Variants in ARHGEF33 observed in about 807,000 individuals in gnomAD.
The protein encoded by ARHGEF33 is Rho guanine nucleotide exchange factor 33.
A neutral mutation model predicts 101.9 loss-of-function variants in ARHGEF33; 72 were observed. That is an observed-to-expected ratio of 0.71 (90% CI 0.58 to 0.86). ARHGEF33 has a LOEUF of 0.86. Ranked by LOEUF, ARHGEF33 falls within the 40% of genes least tolerant of loss-of-function variation. The pLI, the probability that ARHGEF33 is intolerant of heterozygous loss-of-function variation, is 0.00. For missense variants in ARHGEF33, 1,169 were observed against 1,111.3 expected (o/e 1.05, Z -0.74); for synonymous variants, 499 against 442.5 (o/e 1.13, Z -1.60).
intron 2 of ARHGEF33, among the ~76,000 whole-genome samples, chr2:38,904,315 A>G (rs575308593): frequency 6.6e-6 from 1 of 152,306 alleles, no homozygotes; most frequent in African/African-American, 2.4e-5. Flanking sequence ...GAGAAGGCTG[A>G]GGCAGCTGGC....
At position 38,975,351 on chromosome 2, in the gene ARHGEF33, T is replaced by G. The variant is rs1668253587; in HGVS notation, c.*1508T>G. Reference sequence around the variant, plus strand: ...TTGAAATTAGATTTTTCTCTTATTATGTGGCCGGCAGTGCTTGCAAGCACA... The same window carrying G: ...TTGAAATTAGATTTTTCTCTTATTAGGTGGCCGGCAGTGCTTGCAAGCACA... On this transcript the variant is annotated 3_prime_UTR_variant, in exon 18 of 18. Transcript: ENST00000409978. 6.6e-6 allele frequency: 1 copy of G among 152,236 alleles called. No homozygotes were observed. Among genetic ancestry groups the G allele is most frequent in the African/African-American group, 2.4e-5 (1 of 41,464 alleles). The allele number at this position is 152,236 out of a possible 1,614,324, so 9.4% of individuals were successfully genotyped here. A position where few individuals can be genotyped will look rare whatever the true frequency, so the allele number is the denominator to read the frequency against.
At position 38,937,380 on chromosome 2, in the gene ARHGEF33, G is replaced by A; in HGVS notation, c.611G>A (p.Cys204Tyr). ...GAAGCAGAAGAAAACCTCAAGTCTT[G>A]CCTCTCGGCTGATATCCAGTCCAAG... ...TPEAEENLKS[C>Y]LSADIQSKGH... is the part of the protein sequence containing the mutation. Residue 204 changes from cysteine to tyrosine, a missense_variant, in exon 9 of 18, where the codon TGC (cysteine) becomes TAC (tyrosine). Cys to Tyr is a radical substitution (Grantham distance 194). Coordinates refer to ENST00000409978, the MANE Select transcript of ARHGEF33 (RefSeq NM_001145451.5). The A allele has an allele frequency of 6.5e-7, 1 of 1,528,304 alleles. No homozygotes were observed. The highest frequency in any genetic ancestry group is 8.8e-7 in the Non-Finnish European group (1 of 1,140,690). The allele number at this position is 1,528,304 out of a possible 1,614,324, so 94.7% of individuals were successfully genotyped here.
intron 2 of ARHGEF33, among the ~76,000 whole-genome samples, chr2:38,898,522 A>G (rs540420721): frequency 2.6e-5 from 4 of 152,306 alleles, no homozygotes; most frequent in Non-Finnish European, 4.4e-5. Flanking sequence ...AAAGAGAAAG[A>G]GGGTACAGTG....
rs184754310 is a variant in ARHGEF33, at chr2:38,951,595, T to C, written c.1053+474T>C. On this transcript the variant is annotated intron_variant, in intron 11 of 17. Transcript: ENST00000409978. ...TAGCTTGAGCGACACAGCAAGACCC[T>C]GTCTTTATTAAATTAAAAAAAAAGT... is the stretch of plus-strand genomic sequence containing the variant. 5.9e-5 allele frequency among the ~76,000 whole-genome samples: 9 copies of C among 151,890 alleles called. 1 individual carries two copies. Among genetic ancestry groups the C allele is most frequent in the Admixed American group, 3.3e-4 (5 of 15,254 alleles).
Position 38,960,531 on chromosome 2 carries a change from C to G in ARHGEF33, c.2226C>G (p.Arg742=). 1.6e-6 allele frequency: 2 copies of G among 1,256,650 alleles called. No homozygotes were observed. Among genetic ancestry groups the G allele is most frequent in the Non-Finnish European group, 2.0e-6 (2 of 999,468 alleles). 77.8% of individuals were successfully genotyped at this position (1,256,650 alleles called of 1,614,324 possible). ...GCCGCGCGCCCATCAAGGCCGAGCG[C>G]GCCGCGCAGGCGCACGGCCCGGCCG... is the stretch of plus-strand genomic sequence containing the variant. The part of the protein sequence containing the change: ...SGGRAPIKAE[R]AAQAHGPAAA... The change falls in exon 16 of 18, where the codon CGC becomes CGG. Residue 742 remains arginine, a synonymous_variant. Transcript: ENST00000409978.
chr2:38,941,879 A>C (rs1221534359), intron 9 of ARHGEF33, among the ~76,000 whole-genome samples: 2 of 151,478 alleles, frequency 1.3e-5, no homozygotes, highest in Non-Finnish European at 2.9e-5. Context: ...AACTTTTAGG[A>C]TCTTGTTTTT....
intron 1 of ARHGEF33, among the ~76,000 whole-genome samples, chr2:38,892,589 CA>C (rs1183278697): frequency 6.6e-6 from 1 of 152,166 alleles, no homozygotes; most frequent in Non-Finnish European, 1.5e-5. Context: ...CCCCAATTGA[CA>C]AAAACAAAAG....
Position 38,890,006 on chromosome 2 carries a change from T to A in ARHGEF33, c.-159+20T>A, listed in dbSNP as rs1402768660. On this transcript the variant is annotated intron_variant, in intron 1 of 17. Transcript: ENST00000409978. ...CATGGGGTAAGTATGCGCTTTTATA[T>A]GCTTTAAGGGGCACTGAAAGGGGAA... The A allele has an allele frequency of 1.1e-5, 5 of 457,948 alleles. No individual in the cohort carries two copies. In the Middle Eastern group the frequency reaches 9.8e-4, roughly 90 times the overall value. The allele number at this position is 457,948 out of a possible 1,614,324, so 28.4% of individuals were successfully genotyped here.
At chr2:38,955,913 G>A (rs962559511) in intron 13 of ARHGEF33, among the ~76,000 whole-genome samples, 1 of 151,934 alleles carries the variant, frequency 6.6e-6, no homozygotes, top group African/African-American at 2.4e-5. Context: ...CTGGTGATCT[G>A]CCCGCCTCAC....
chr2:38,919,494 G>C, intron 3 of ARHGEF33, 22 bp downstream of exon 3: 2 of 1,551,468 alleles, frequency 1.3e-6, no homozygotes, highest in Non-Finnish European at 1.7e-6. Flanking sequence ...CCTATGTCTT[G>C]CTTTAGGACT....
Position 38,956,929 on chromosome 2 carries a change from CCTGA to C in ARHGEF33, c.1255_1258del (p.Asp419IlefsTer95), listed in dbSNP as rs1156476389. The C allele has an allele frequency of 3.9e-6, 6 of 1,552,272 alleles. No homozygotes were observed. The highest frequency in any genetic ancestry group is 1.4e-5 in the African/African-American group (1 of 73,058). On this transcript the variant is annotated frameshift_variant, in exon 14 of 18. Coordinates refer to ENST00000409978, the MANE Select transcript of ARHGEF33 (RefSeq NM_001145451.5). LOFTEE classifies it high-confidence loss of function. ...CCTGAAGTTCACAGAGCAGGAGCAC[CCTGA>C]CTATTATCTACTACTGGTGTGTGTC... is the stretch of plus-strand genomic sequence containing the variant.
intron 1 of ARHGEF33, among the ~76,000 whole-genome samples, chr2:38,894,357 G>T (rs1389967145): frequency 6.6e-6 from 1 of 151,618 alleles, no homozygotes; most frequent in African/African-American, 2.4e-5. Flanking sequence ...TTGCTTTTGG[G>T]CTCTGGATAG....
intron 1 of ARHGEF33, among the ~76,000 whole-genome samples, chr2:38,892,757 C>T (rs1364379716): frequency 2.0e-5 from 3 of 152,164 alleles, no homozygotes; most frequent in Non-Finnish European, 4.4e-5. Flanking sequence ...AACTCTTTTT[C>T]TTGGGTGAAG....
At chr2:38,958,382 T>C (rs927702935) in intron 15 of ARHGEF33, among the ~76,000 whole-genome samples, 184 bp downstream of exon 15, 1 of 152,152 alleles carries the variant, frequency 6.6e-6, no homozygotes, top group Non-Finnish European at 1.5e-5. Context: ...GGGACAGGTG[T>C]AGAAAGTGGG....
chr2:38,920,359 C>T (rs951575135), intron 3 of ARHGEF33, among the ~76,000 whole-genome samples: 1 of 148,650 alleles, frequency 6.7e-6, no homozygotes, highest in Middle Eastern at 3.5e-3. Flanking sequence ...CTCTTTTTCT[C>T]TCTAGGTTGT....
chr2:38,947,486 C>T (rs901200770), intron 10 of ARHGEF33, among the ~76,000 whole-genome samples: 5 of 152,226 alleles, frequency 3.3e-5, no homozygotes. Context: ...AACTTCTGGG[C>T]TCAAGTGATC....
At chr2:38,902,530 C>T (rs553878849) in intron 2 of ARHGEF33, among the ~76,000 whole-genome samples, 9 of 152,194 alleles carry the variant, frequency 5.9e-5, no homozygotes, top group Non-Finnish European at 1.3e-4. Context: ...CAGGGCTTGG[C>T]TGGCTGATCT....
At chr2:38,958,946 T>C (rs1391837715) in intron 15 of ARHGEF33, among the ~76,000 whole-genome samples, 2 of 152,244 alleles carry the variant, frequency 1.3e-5, no homozygotes, top group African/African-American at 4.8e-5. Flanking sequence ...GGTTTTACCA[T>C]GTTGGCCAGG....
chr2:38,953,418 G>A (rs1413951291), intron 12 of ARHGEF33, among the ~76,000 whole-genome samples, 173 bp downstream of exon 12: 1 of 152,202 alleles, frequency 6.6e-6, no homozygotes, highest in Non-Finnish European at 1.5e-5. Context: ...GAGGATCAGT[G>A]CCATTGTGTT....
Sources: allele counts gnomAD v4.1 joint callset (sites outside exome capture counted in the v4.1 genomes callset), GRCh38; gene constraint gnomAD v4.1.1; transcripts MANE v1.5; gene names NCBI Gene and HGNC (gene_info 2026-07-23, HGNC 2026-07-21).